MKLN1: variants seen among roughly 807,000 people sequenced by gnomAD.
MKLN1 encodes the protein muskelin 1.
In MKLN1, 18 loss-of-function variants were observed where a neutral mutation model predicts 99.0. The ratio of observed to expected loss-of-function variants is 0.18; its 90% confidence interval spans 0.13 to 0.27. MKLN1 has a LOEUF of 0.27. Among genes scored for constraint, MKLN1 ranks in the 10% least tolerant of loss-of-function variants. The pLI is 1.00. For missense variants in MKLN1, 621 were observed against 875.9 expected, an observed-to-expected ratio of 0.71 and a Z score of 3.67; for synonymous variants, 288 against 293.2, an observed-to-expected ratio of 0.98 and a Z score of 0.18.
intron 4 of MKLN1, among the ~76,000 whole-genome samples, chr7:131,393,532 A>G (rs975066056): frequency 6.6e-6 from 1 of 152,252 alleles, no homozygotes; most frequent in Non-Finnish European, 1.5e-5. Flanking sequence ...ATTAAAAATT[A>G]TAACTAATTT....
intron 3 of MKLN1, among the ~76,000 whole-genome samples, chr7:131,307,918 CA>C (rs1042373269): frequency 4.6e-5 from 7 of 152,106 alleles, no homozygotes; most frequent in East Asian, 3.9e-4. Context: ...GGGGAGGGGC[CA>C]GGGGCAGAAT....
At chr7:131,386,682 A>G (rs946608247) in intron 2 of MKLN1, among the ~76,000 whole-genome samples, 4 of 152,330 alleles carry the variant, frequency 2.6e-5, no homozygotes, top group East Asian at 3.9e-4. Flanking sequence ...TGATTAGTAA[A>G]TCTTTGCTTC....
intron 3 of MKLN1, among the ~76,000 whole-genome samples, chr7:131,282,256 G>A (rs1219903402): frequency 3.3e-5 from 5 of 151,688 alleles, no homozygotes; most frequent in Admixed American, 2.6e-4. Context: ...GGCTGAGGCA[G>A]GAGAATCGCT....
At chr7:131,463,125 TAAAAAAAGA>T in intron 12 of MKLN1, 83 bp from the exon 13 acceptor site, 2 of 1,173,072 alleles carry the variant, frequency 1.7e-6, no homozygotes, top group South Asian at 1.4e-5. Context: ...TGCTGTTCTT[TAAAAAAAGA>T]AAGAAAAGAA....
intron 3 of MKLN1, among the ~76,000 whole-genome samples, chr7:131,281,209 C>CTT (rs544553907): frequency 1.0e-4 from 15 of 142,976 alleles, no homozygotes; most frequent in South Asian, 2.2e-4. Context: ...TTGAGTTATT[C>CTT]TTTTTTTTTT....
At chr7:131,241,868 C>T (rs762358558) in intron 3 of MKLN1, among the ~76,000 whole-genome samples, 5 of 152,210 alleles carry the variant, frequency 3.3e-5, no homozygotes, top group Non-Finnish European at 4.4e-5. Flanking sequence ...GCATAGACCC[C>T]GCCAGCATTT....
intron 1 of MKLN1, among the ~76,000 whole-genome samples, chr7:131,141,881 T>C (rs1168439559): frequency 1.3e-5 from 2 of 152,200 alleles, no homozygotes; most frequent in Non-Finnish European, 2.9e-5. Flanking sequence ...ATTTTTTCTA[T>C]TCACCTTTGT....
In MKLN1 at chr7:131,309,335, A is replaced by C. The variant is rs964480525; in HGVS notation, c.-178-66089A>C. ...AGAGAGTTTATTTGGGACAAGCTTG[A>C]GGATTGCAACTTAGTAACATAGATT... On this transcript the variant is annotated intron_variant, in intron 3 of 7. Coordinates refer to the MKLN1 transcript ENST00000416992. Among the ~76,000 whole-genome samples the C allele has an allele frequency of 2.6e-5, 4 of 152,204 alleles. No homozygotes were observed. The East Asian group carries it at 7.7e-4, about 29-fold the overall frequency.
chr7:131,174,349 A>G (rs1402607824), intron 2 of MKLN1, among the ~76,000 whole-genome samples: 1 of 152,030 alleles, frequency 6.6e-6, no homozygotes, highest in African/African-American at 2.4e-5. Context: ...CTTTTTTCAG[A>G]GACACAGATG....
In MKLN1 at chr7:131,455,918, C is replaced by T. The variant is rs555386482; in HGVS notation, c.1526-7299C>T. Among the ~76,000 whole-genome samples the T allele has an allele frequency of 5.3e-4, 81 of 152,138 alleles. 1 individual carries two copies. Among genetic ancestry groups the T allele is most frequent in the African/African-American group, 1.7e-3 (71 of 41,508 alleles). ...AAAGTTAGCCTGGTGTGGTGATGCA[C>T]GCCTGTTGTCCCACCTACTCAGGAG... On this transcript the variant is annotated intron_variant, in intron 12 of 17. Coordinates refer to ENST00000352689, the MANE Select transcript of MKLN1 (RefSeq NM_013255.5).
At chr7:131,478,863 G>A in intron 17 of MKLN1, 186 bp downstream of exon 17, 1 of 687,984 alleles carries the variant, frequency 1.5e-6, no homozygotes, top group Non-Finnish European at 2.5e-6. Flanking sequence ...TCATTTTGCA[G>A]TTCAGTTTGC....
At chr7:131,137,635 C>T (rs934030050) in intron 1 of MKLN1, among the ~76,000 whole-genome samples, 12 of 152,210 alleles carry the variant, frequency 7.9e-5, no homozygotes, top group East Asian at 1.9e-4. Context: ...AGTGCAATGG[C>T]GCAATCTCGG....
chr7:131,336,354 T>C (rs1267330953), intron 1 of MKLN1, among the ~76,000 whole-genome samples: 1 of 152,046 alleles, frequency 6.6e-6, no homozygotes, highest in Non-Finnish European at 1.5e-5. Flanking sequence ...CTGTTTCTTG[T>C]TAAGAATAAA....
At chr7:131,314,177 A>G (rs1217567189) in intron 3 of MKLN1, among the ~76,000 whole-genome samples, 1 of 152,208 alleles carries the variant, frequency 6.6e-6, no homozygotes, top group Non-Finnish European at 1.5e-5. Flanking sequence ...AGTAATATCC[A>G]GTACTCCTAA....
At chr7:131,437,673 A>G (rs886441383) in intron 9 of MKLN1, 112 bp from the exon 10 acceptor site, 3 of 801,134 alleles carry the variant, frequency 3.7e-6, no homozygotes, top group Non-Finnish European at 5.9e-6. Context: ...TTTCTGAGAA[A>G]CCTTTTAATG....
chr7:131,455,235 G>A (rs1796297484), intron 12 of MKLN1, among the ~76,000 whole-genome samples: 7 of 151,914 alleles, frequency 4.6e-5, no homozygotes, highest in Admixed American at 1.3e-4. Flanking sequence ...AAAGGACTTC[G>A]AAAATATTTG....
chr7:131,172,531 G>A (rs1468787831), intron 2 of MKLN1, among the ~76,000 whole-genome samples: 1 of 152,094 alleles, frequency 6.6e-6, no homozygotes, highest in Non-Finnish European at 1.5e-5. Context: ...TAGCCAGGAT[G>A]GTCTCAATCT....
At chr7:131,207,792 A>G (rs1796841715) in intron 3 of MKLN1, among the ~76,000 whole-genome samples, 1 of 152,192 alleles carries the variant, frequency 6.6e-6, no homozygotes, top group African/African-American at 2.4e-5. Flanking sequence ...GGATCTATTA[A>G]TTTTTCTGAT....
rs753408521 is a variant in MKLN1, at chr7:131,466,247, A to T, written c.1789-29A>T. On this transcript the variant is annotated intron_variant, in intron 14 of 17. Coordinates refer to ENST00000352689, the MANE Select transcript of MKLN1 (RefSeq NM_013255.5). ...ATATCTTGGGTATGCATGCATTTTT[A>T]AAAATCTGGCTTATTTTGCTTATTA... 2.9e-5 allele frequency: 45 copies of T among 1,529,128 alleles called. No individual in the cohort carries two copies. The South Asian group carries it at 4.2e-4, about 14-fold the overall frequency. 94.7% of individuals were successfully genotyped at this position (1,529,128 alleles called of 1,614,324 possible). A position where few individuals can be genotyped will look rare whatever the true frequency, so the allele number is the denominator to read the frequency against.
Sources: gnomAD v4.1 joint callset for allele counts (sites outside exome capture counted in the v4.1 genomes callset) on GRCh38, gnomAD v4.1.1 for gene constraint, MANE v1.5 for transcripts, NCBI Gene and HGNC (gene_info 2026-07-23, HGNC 2026-07-21) for gene names.